Variants in ADGRB3 observed in about 807,000 individuals in gnomAD.
ADGRB3 encodes the protein brain-specific angiogenesis inhibitor 3.
Under a neutral mutation model 193.4 loss-of-function variants are expected in ADGRB3, and 37 were observed. That is an observed-to-expected ratio of 0.19 (90% CI 0.15 to 0.25). The LOEUF (loss-of-function observed/expected upper bound fraction) is 0.25, where lower values mean the gene tolerates loss of function less well. Among genes scored for constraint, ADGRB3 ranks in the 10% least tolerant of loss-of-function variants. The pLI, the probability that ADGRB3 is intolerant of heterozygous loss-of-function variation, is 1.00. For missense variants in ADGRB3, 1,637 were observed against 1,852.9 expected (o/e 0.88, Z 2.14); for synonymous variants, 690 against 644.2 (o/e 1.07, Z -1.08).
chr6:69,114,668 C>T (rs1773472958), intron 17 of ADGRB3, among the ~76,000 whole-genome samples: 1 of 150,638 alleles, frequency 6.6e-6, no homozygotes, highest in South Asian at 2.1e-4. Context: ...CTTTAATCAA[C>T]CTTGAGTTGA....
At chr6:69,057,032 G>A (rs1354273257) in intron 15 of ADGRB3, among the ~76,000 whole-genome samples, 1 of 151,916 alleles carries the variant, frequency 6.6e-6, no homozygotes, top group African/African-American at 2.4e-5. Flanking sequence ...TCTAATTCAT[G>A]GACACAGGAT....
intron 17 of ADGRB3, among the ~76,000 whole-genome samples, chr6:69,111,828 C>A (rs1773374785): frequency 6.6e-6 from 1 of 152,148 alleles, no homozygotes; most frequent in African/African-American, 2.4e-5. Flanking sequence ...CTTAAAAAAA[C>A]CCTTCTATGA....
chr6:68,905,248 A>C (rs1249753390), intron 3 of ADGRB3, among the ~76,000 whole-genome samples: 2 of 152,200 alleles, frequency 1.3e-5, no homozygotes, highest in African/African-American at 4.8e-5. Flanking sequence ...ACAATTATTC[A>C]GGGTACACAT....
chr6:68,880,247 C>T (rs548947936), intron 3 of ADGRB3, among the ~76,000 whole-genome samples: 1 of 152,230 alleles, frequency 6.6e-6, no homozygotes, highest in East Asian at 1.9e-4. Context: ...TTACAGTCTG[C>T]CTCCATCTGC....
intron 3 of ADGRB3, among the ~76,000 whole-genome samples, chr6:68,810,446 C>T (rs573105675): frequency 1.3e-5 from 2 of 152,230 alleles, no homozygotes; most frequent in Admixed American, 1.3e-4. Context: ...ATGGTTCAGT[C>T]GTTGTTGAGG....
At chr6:69,001,654 A>T (rs1769580646) in intron 11 of ADGRB3, among the ~76,000 whole-genome samples, 1 of 152,184 alleles carries the variant, frequency 6.6e-6, no homozygotes, top group African/African-American at 2.4e-5. Flanking sequence ...AACAGTTTAG[A>T]TTTGGGGGAC....
At chr6:68,765,895 T>G (rs117495242) in intron 3 of ADGRB3, among the ~76,000 whole-genome samples, 3,372 of 152,144 alleles carry the variant, frequency 0.022, 61 homozygotes, top group South Asian at 0.075. Flanking sequence ...TTTGGTAAGT[T>G]ATGTATTTCT....
At chr6:69,118,286 G>C (rs1773587886) in intron 17 of ADGRB3, among the ~76,000 whole-genome samples, 1 of 152,040 alleles carries the variant, frequency 6.6e-6, no homozygotes, top group South Asian at 2.1e-4. Flanking sequence ...ACCAGTCCTG[G>C]TATTTTGTTG....
chr6:68,899,532 A>C (rs1364213905), intron 3 of ADGRB3, among the ~76,000 whole-genome samples: 1 of 146,972 alleles, frequency 6.8e-6, no homozygotes, highest in Non-Finnish European at 1.5e-5. Flanking sequence ...ATGAGTGAGA[A>C]TATGTGGTGT....
rs139772059 is a variant in ADGRB3 at position 69,123,070 on chromosome 6, G to A, written c.2480+47032G>A. Among the ~76,000 whole-genome samples, 1,335 of 150,484 alleles carry A rather than the reference G, an allele frequency of 8.9e-3. 9 individuals carry two copies. Among genetic ancestry groups the A allele is most frequent in the African/African-American group, 0.017 (704 of 41,134 alleles). The stretch of plus-strand genomic sequence containing the variant: ...GGTTCGGCCATATTTATTTTCAGAC[G>A]TAAGTATCACCTAATAGTTAGCCAT... On this transcript the variant is annotated intron_variant, in intron 17 of 31. Coordinates refer to ENST00000370598, the MANE Select transcript of ADGRB3 (RefSeq NM_001704.3).
chr6:69,208,966 T>C (rs117635466), intron 17 of ADGRB3, among the ~76,000 whole-genome samples: 6,119 of 152,080 alleles, frequency 0.04, 172 homozygotes, highest in Non-Finnish European at 0.064. Context: ...AGGCCAAGAG[T>C]TGTCTCTCAA....
chr6:68,846,423 C>T (rs1447022855), intron 3 of ADGRB3, among the ~76,000 whole-genome samples: 2 of 152,200 alleles, frequency 1.3e-5, no homozygotes, highest in Non-Finnish European at 1.5e-5. Context: ...TGTCAGAGAC[C>T]TTCAAGGCAG....
intron 3 of ADGRB3, among the ~76,000 whole-genome samples, chr6:68,791,848 G>T (rs1279281494): frequency 6.6e-6 from 1 of 152,040 alleles, no homozygotes; most frequent in Non-Finnish European, 1.5e-5. Context: ...TTTTGGCCAA[G>T]CCAAAAATAT....
intron 17 of ADGRB3, among the ~76,000 whole-genome samples, chr6:69,078,519 GA>G (rs1362353077): frequency 6.6e-6 from 1 of 151,918 alleles, no homozygotes; most frequent in Non-Finnish European, 1.5e-5. Flanking sequence ...AAATATCTTG[GA>G]AAATTTATTT....
chr6:68,812,532 A>G (rs1767532547), intron 3 of ADGRB3, among the ~76,000 whole-genome samples: 1 of 152,128 alleles, frequency 6.6e-6, no homozygotes, highest in South Asian at 2.1e-4. Context: ...TGCTAATGTT[A>G]CCATTTCCTG....
intron 18 of ADGRB3, among the ~76,000 whole-genome samples, chr6:69,233,998 A>T (rs924385435): frequency 1.3e-5 from 2 of 152,224 alleles, no homozygotes; most frequent in East Asian, 1.9e-4. Context: ...ACAGCTGTAC[A>T]TAACTGTCTG....
chr6:69,062,671 T>G (rs924722602), intron 15 of ADGRB3, among the ~76,000 whole-genome samples: 2 of 151,954 alleles, frequency 1.3e-5, no homozygotes, highest in Non-Finnish European at 1.5e-5. Context: ...GAATCAGATT[T>G]AAGTAATCAA....
intron 11 of ADGRB3, among the ~76,000 whole-genome samples, chr6:69,008,890 T>C (rs1237278306): frequency 6.6e-6 from 1 of 152,132 alleles, no homozygotes; most frequent in African/African-American, 2.4e-5. Context: ...AGTTTTCTTA[T>C]CTGTAAAAAT....
chr6:68,726,819 A>G (rs892373978), intron 3 of ADGRB3, among the ~76,000 whole-genome samples: 1 of 151,566 alleles, frequency 6.6e-6, no homozygotes, highest in Non-Finnish European at 1.5e-5. Context: ...GAAGAAAATT[A>G]TAAAGCAGAC....
Sources: allele counts gnomAD v4.1 joint callset (sites outside exome capture counted in the v4.1 genomes callset), GRCh38; gene constraint gnomAD v4.1.1; transcripts MANE v1.5; gene names NCBI Gene and HGNC (gene_info 2026-07-23, HGNC 2026-07-21).